The following MKLN1 variants were observed in gnomAD, a reference collection of about 807,000 sequenced individuals.
MKLN1 encodes muskelin 1, also known as muskelin.
MKLN1 carries 18 observed loss-of-function variants against 99.0 expected under a neutral mutation model. The observed-to-expected ratio is 0.18, with a 90% CI of 0.13 to 0.27. The LOEUF is 0.27. MKLN1 is among the 10% of genes least tolerant of loss of function. The pLI, the probability that MKLN1 is intolerant of heterozygous loss-of-function variation, is 1.00. For synonymous variants in MKLN1, 288 were observed against 293.2 expected (o/e 0.98, Z 0.18); for missense variants, 621 against 875.9 (o/e 0.71, Z 3.67).
chr7:131,254,381 T>A (rs1272015869), intron 3 of MKLN1, among the ~76,000 whole-genome samples: 5 of 152,100 alleles, frequency 3.3e-5, no homozygotes, highest in African/African-American at 1.2e-4. Flanking sequence ...ATACGAGACA[T>A]TCACAGAAAC....
intron 2 of MKLN1, among the ~76,000 whole-genome samples, chr7:131,184,673 C>T (rs1407144828): frequency 2.0e-5 from 3 of 152,034 alleles, no homozygotes; most frequent in African/African-American, 4.8e-5. Flanking sequence ...TACAGGTGCC[C>T]GCCACTACAT....
At chr7:131,158,547 A>G (rs545716343) in intron 2 of MKLN1, among the ~76,000 whole-genome samples, 3 of 152,310 alleles carry the variant, frequency 2.0e-5, no homozygotes, top group African/African-American at 7.2e-5. Flanking sequence ...CAGGGGTTAA[A>G]AGTCTAAAGG....
At chr7:131,201,976 A>G (rs1315628663) in intron 2 of MKLN1, among the ~76,000 whole-genome samples, 1 of 152,128 alleles carries the variant, frequency 6.6e-6, no homozygotes, top group African/African-American at 2.4e-5. Context: ...TATTCAAAAG[A>G]TACTTAACAC....
intron 1 of MKLN1, among the ~76,000 whole-genome samples, chr7:131,135,761 G>A (rs1485325778): frequency 6.6e-6 from 1 of 152,190 alleles, no homozygotes; most frequent in Non-Finnish European, 1.5e-5. Context: ...TGGAGTAATA[G>A]GGGCAAAAGG....
intron 3 of MKLN1, among the ~76,000 whole-genome samples, chr7:131,213,171 G>T (rs1244619309): frequency 6.6e-6 from 1 of 151,752 alleles, no homozygotes. Context: ...ACAATACAAA[G>T]TATTGTTTTG....
At chr7:131,292,683 G>T (rs2116602683) in intron 3 of MKLN1, among the ~76,000 whole-genome samples, 1 of 152,320 alleles carries the variant, frequency 6.6e-6, no homozygotes, top group East Asian at 1.9e-4. Flanking sequence ...GTTTCAGAGG[G>T]AGCATGGCCC....
At chr7:131,149,297 C>A (rs1005406603) in intron 2 of MKLN1, among the ~76,000 whole-genome samples, 4 of 152,090 alleles carry the variant, frequency 2.6e-5, no homozygotes, top group Admixed American at 6.5e-5. Flanking sequence ...ATATCCTTTA[C>A]TTCAAGTCCA....
At position 131,399,232 on chromosome 7, in the gene MKLN1, T is replaced by C; in HGVS notation, c.511-9T>C. 1 of 1,612,026 alleles carries C rather than the reference T, an allele frequency of 6.2e-7. No individual in the cohort carries two copies. The highest frequency in any genetic ancestry group is 1.1e-5 in the South Asian group (1 of 91,028). On this transcript the variant is annotated splice_polypyrimidine_tract_variant and intron_variant, in intron 5 of 17. Transcript: ENST00000352689. ...CTCTTCTTTCCATACTTACTCTGTG[T>C]TCTAGTAGTACCGTGAACAGGAAGC...
At chr7:131,456,005 T>G (rs1198781757) in intron 12 of MKLN1, among the ~76,000 whole-genome samples, 1 of 151,860 alleles carries the variant, frequency 6.6e-6, no homozygotes, top group Non-Finnish European at 1.5e-5. Flanking sequence ...GAATTCACAT[T>G]ATTGCATTCC....
intron 3 of MKLN1, among the ~76,000 whole-genome samples, chr7:131,275,557 ATATATATATATTTTT>A (rs1317853332): frequency 1.0e-3 from 16 of 15,660 alleles, no homozygotes; most frequent in African/African-American, 4.7e-3. Context: ...ATATATATAT[ATATATATATATTTTT>A]TTTTTTTTTT....
intron 3 of MKLN1, among the ~76,000 whole-genome samples, chr7:131,295,692 T>A (rs964737757): frequency 2.0e-4 from 31 of 152,212 alleles, no homozygotes; most frequent in African/African-American, 7.5e-4. Flanking sequence ...GATACCAGCC[T>A]GGGCAACACA....
At chr7:131,428,025 G>T (rs928510606) in intron 8 of MKLN1, among the ~76,000 whole-genome samples, 1 of 152,062 alleles carries the variant, frequency 6.6e-6, no homozygotes, top group Non-Finnish European at 1.5e-5. Flanking sequence ...AAAAAAGTTA[G>T]CTGGGCATGG....
chr7:131,413,741 A>G (rs1325645258), intron 7 of MKLN1, among the ~76,000 whole-genome samples: 1 of 152,006 alleles, frequency 6.6e-6, no homozygotes, highest in Non-Finnish European at 1.5e-5. Flanking sequence ...GTTTCACCAT[A>G]TTGGCTAGGC....
chr7:131,186,650 C>T (rs1247632428), intron 2 of MKLN1, among the ~76,000 whole-genome samples: 1 of 152,200 alleles, frequency 6.6e-6, no homozygotes, highest in Non-Finnish European at 1.5e-5. Context: ...CTTTGCCTAG[C>T]ACGCCAGTTG....
intron 1 of MKLN1, among the ~76,000 whole-genome samples, chr7:131,141,815 C>G (rs1795737371): frequency 6.6e-6 from 1 of 152,144 alleles, no homozygotes; most frequent in Non-Finnish European, 1.5e-5. Context: ...AGCTGACTTT[C>G]CTGTTTCTAC....
At chr7:131,143,940 A>G (rs1250515563) in intron 2 of MKLN1, among the ~76,000 whole-genome samples, 1 of 152,220 alleles carries the variant, frequency 6.6e-6, no homozygotes, top group African/African-American at 2.4e-5. Context: ...TACTCCAAAA[A>G]CAACTCTGTT....
chr7:131,120,308 G>A (rs973398168), intron 1 of MKLN1, among the ~76,000 whole-genome samples: 2 of 151,558 alleles, frequency 1.3e-5, no homozygotes, highest in Non-Finnish European at 1.5e-5. Context: ...GGTGGATCAC[G>A]AGGTCAGAAG....
chr7:131,286,501 CT>C (rs1229411005), intron 3 of MKLN1, among the ~76,000 whole-genome samples: 1 of 152,070 alleles, frequency 6.6e-6, no homozygotes, highest in Non-Finnish European at 1.5e-5. Context: ...ATATATCATT[CT>C]GTTACAGGTA....
chr7:131,149,820 T>C (rs779943296), intron 2 of MKLN1, among the ~76,000 whole-genome samples: 2 of 152,220 alleles, frequency 1.3e-5, no homozygotes, highest in African/African-American at 2.4e-5. Flanking sequence ...GTGACCCTTG[T>C]TGGAAGTATG....
Sources: gnomAD v4.1 joint callset for allele counts (sites outside exome capture counted in the v4.1 genomes callset) on GRCh38, gnomAD v4.1.1 for gene constraint, MANE v1.5 for transcripts, NCBI Gene and HGNC (gene_info 2026-07-23, HGNC 2026-07-21) for gene names.